The following GLIS3 variants were observed in gnomAD, a reference collection of about 807,000 sequenced individuals.
GLIS3 encodes the protein GLIS family zinc finger 3.
Under a neutral mutation model 78.6 loss-of-function variants are expected in GLIS3, and 53 were observed. The ratio of observed to expected loss-of-function variants is 0.67; its 90% CI spans 0.54 to 0.85. The LOEUF (loss-of-function observed/expected upper bound fraction) is 0.85. Among genes scored for constraint, GLIS3 ranks in the 40% least tolerant of loss-of-function variants. The pLI is 0.00. For synonymous variants in GLIS3, 684 were observed against 509.9 expected (o/e 1.34, Z -4.60); for missense variants, 1,703 against 1,231.1 (o/e 1.38, Z -5.74).
At chr9:4,268,532 T>C (rs1402216550) in intron 2 of GLIS3, among the ~76,000 whole-genome samples, 2 of 152,154 alleles carry the variant, frequency 1.3e-5, no homozygotes, top group African/African-American at 4.8e-5. Flanking sequence ...AATAATATGG[T>C]TTAGTGTACT....
chr9:4,405,106 G>A, the GLIS3 span, among the ~76,000 whole-genome samples: 1 of 152,240 alleles, frequency 6.6e-6, no homozygotes, highest in Admixed American at 6.5e-5. Flanking sequence ...TGTAATCCCA[G>A]CACTTTGGGA....
At chr9:4,382,955 A>C in the GLIS3 span, among the ~76,000 whole-genome samples, 1 of 152,198 alleles carries the variant, frequency 6.6e-6, no homozygotes, top group African/African-American at 2.4e-5. Flanking sequence ...ATTTGACCTT[A>C]CCTGGATTCA....
chr9:4,024,602 G>C (rs1410321279), intron 4 of GLIS3, among the ~76,000 whole-genome samples: 2 of 152,168 alleles, frequency 1.3e-5, no homozygotes, highest in Admixed American at 6.5e-5. Flanking sequence ...GTGTATGATA[G>C]ATAGGTTGCC....
chr9:3,877,992 A>T (rs144003841), intron 8 of GLIS3, among the ~76,000 whole-genome samples: 184 of 152,244 alleles, frequency 1.2e-3, no homozygotes, highest in African/African-American at 4.3e-3. Context: ...ACATAAGCCA[A>T]CCTAATATTA....
At chr9:4,488,075 T>C in the GLIS3 span, among the ~76,000 whole-genome samples, 100 of 150,816 alleles carry the variant, frequency 6.6e-4, no homozygotes, top group Non-Finnish European at 1.1e-3. Context: ...TCTGGTCTTT[T>C]TTTCTAAGCA....
the GLIS3 span, among the ~76,000 whole-genome samples, chr9:4,472,598 G>T: frequency 1.3e-5 from 2 of 150,832 alleles, no homozygotes; most frequent in African/African-American, 4.9e-5. Flanking sequence ...CATACACGGG[G>T]GCCTGTCATG....
chr9:4,159,070 C>T (rs1835273328), intron 2 of GLIS3, among the ~76,000 whole-genome samples: 1 of 147,392 alleles, frequency 6.8e-6, no homozygotes, highest in African/African-American at 2.5e-5. Context: ...CTGCAATGTA[C>T]TCGGCAAGGG....
rs188517048 is a variant in GLIS3, at chr9:4,309,309, G to A, written n.393-341C>T. Among the ~76,000 whole-genome samples, 6 of 152,262 alleles carry A rather than the reference G, an allele frequency of 3.9e-5. No homozygotes were observed. The East Asian group carries it at 1.2e-3, about 29-fold the overall frequency. ...AATAATTCAAAAATATATATAACCT[G>A]TCATTAAAATTAAGACTTGGCTGTA... On this transcript the variant is annotated intron_variant and non_coding_transcript_variant, in intron 3 of 4. Coordinates refer to the GLIS3 transcript ENST00000471664.
intron 4 of GLIS3, among the ~76,000 whole-genome samples, chr9:4,083,958 G>T (rs1828775522): frequency 6.6e-6 from 1 of 152,098 alleles, no homozygotes; most frequent in South Asian, 2.1e-4. Context: ...ACTACTCTGG[G>T]TTCATCACCA....
chr9:4,294,482 C>T (rs1170619618), intron 1 of GLIS3, among the ~76,000 whole-genome samples: 1 of 151,526 alleles, frequency 6.6e-6, no homozygotes, highest in Non-Finnish European at 1.5e-5. Context: ...GCTTTCCAGC[C>T]TGGGCAGCAA....
intron 2 of GLIS3, among the ~76,000 whole-genome samples, chr9:4,169,470 T>C (rs1312716695): frequency 6.6e-6 from 1 of 152,192 alleles, no homozygotes; most frequent in Non-Finnish European, 1.5e-5. Context: ...CAGCTACCAC[T>C]TAATGTGCCG....
chr9:3,879,965 T>G (rs1821618184), intron 7 of GLIS3, among the ~76,000 whole-genome samples: 1 of 152,106 alleles, frequency 6.6e-6, no homozygotes, highest in Non-Finnish European at 1.5e-5. Context: ...TAACAGAATA[T>G]TTGGTCAGCT....
At chr9:4,173,062 A>G (rs1416557337) in intron 2 of GLIS3, among the ~76,000 whole-genome samples, 1 of 152,194 alleles carries the variant, frequency 6.6e-6, no homozygotes, top group African/African-American at 2.4e-5. Flanking sequence ...GCTGTGGGCC[A>G]CATTCCACCC....
At chr9:3,901,483 G>A (rs1373097250) in intron 6 of GLIS3, among the ~76,000 whole-genome samples, 1 of 152,170 alleles carries the variant, frequency 6.6e-6, no homozygotes, top group African/African-American at 2.4e-5. Context: ...CATCTAAAGA[G>A]CTGGTTGCTA....
At chr9:4,470,511 T>C in the GLIS3 span, among the ~76,000 whole-genome samples, 1 of 152,232 alleles carries the variant, frequency 6.6e-6, no homozygotes, top group Non-Finnish European at 1.5e-5. Context: ...AGCCACATGA[T>C]TATCTCAATA....
chr9:4,034,820 C>T (rs1476452752), intron 4 of GLIS3: 3 of 152,100 alleles, frequency 2.0e-5, no homozygotes, highest in Admixed American at 6.6e-5. Flanking sequence ...GCCTTCAGAA[C>T]CTGAATGTCA....
chr9:3,836,270 G>A (rs968650681), intron 9 of GLIS3, among the ~76,000 whole-genome samples: 4 of 152,228 alleles, frequency 2.6e-5, no homozygotes, highest in African/African-American at 9.6e-5. Flanking sequence ...TTTCTTGGTC[G>A]TATGGCTGTT....
At chr9:4,408,298 G>A in the GLIS3 span, among the ~76,000 whole-genome samples, 1 of 152,078 alleles carries the variant, frequency 6.6e-6, no homozygotes, top group African/African-American at 2.4e-5. Flanking sequence ...AGTATATCGA[G>A]GAGCTATCTG....
At chr9:4,439,476 G>A in the GLIS3 span, among the ~76,000 whole-genome samples, 1 of 152,054 alleles carries the variant, frequency 6.6e-6, no homozygotes. Context: ...TCTGGTTTCT[G>A]TTTCTATATG....
Sources: allele counts gnomAD v4.1 joint callset (sites outside exome capture counted in the v4.1 genomes callset), GRCh38; gene constraint gnomAD v4.1.1; transcripts MANE v1.5; gene names NCBI Gene and HGNC (gene_info 2026-07-23, HGNC 2026-07-21).